Variants in NCALD observed in about 807,000 individuals in gnomAD.
The protein encoded by NCALD is neurocalcin delta.
A neutral mutation model predicts 18.6 loss-of-function variants in NCALD; 10 were observed. That is an observed-to-expected ratio of 0.54 (90% CI 0.33 to 0.91). The LOEUF (loss-of-function observed/expected upper bound fraction) is 0.91, where lower values mean the gene tolerates loss of function less well. Ranked by LOEUF, NCALD falls within the 40% of genes least tolerant of loss-of-function variation. NCALD has a pLI of 0.03. For missense variants in NCALD, 184 were observed against 247.6 expected, an observed-to-expected ratio of 0.74 and a Z score of 1.72; for synonymous variants, 88 against 87.4, an observed-to-expected ratio of 1.01 and a Z score of -0.04.
chr8:102,093,646 G>T (rs529313177), intron 1 of NCALD, among the ~76,000 whole-genome samples: 27 of 152,198 alleles, frequency 1.8e-4, no homozygotes, highest in Non-Finnish European at 3.5e-4. Flanking sequence ...AGCCATCTTG[G>T]ACTATAAAGC....
intron 4 of NCALD, among the ~76,000 whole-genome samples, chr8:101,802,519 G>A (rs1812907674): frequency 6.6e-6 from 1 of 151,710 alleles, no homozygotes; most frequent in Non-Finnish European, 1.5e-5. Context: ...CAACTATACT[G>A]CAAAGAAAAA....
intron 1 of NCALD, among the ~76,000 whole-genome samples, chr8:101,734,545 C>T (rs1334101205): frequency 1.3e-5 from 2 of 152,192 alleles, no homozygotes; most frequent in African/African-American, 4.8e-5. Flanking sequence ...GACAAATTGA[C>T]AATTTGTTGC....
intron 1 of NCALD, among the ~76,000 whole-genome samples, chr8:102,106,710 T>C (rs1825467217): frequency 6.6e-6 from 1 of 152,174 alleles, no homozygotes; most frequent in South Asian, 2.1e-4. Flanking sequence ...TTGCAGTCTA[T>C]AGCTCTAGCT....
chr8:101,790,539 C>T (rs1201198966), intron 1 of NCALD, among the ~76,000 whole-genome samples: 1 of 152,124 alleles, frequency 6.6e-6, no homozygotes, highest in Non-Finnish European at 1.5e-5. Flanking sequence ...AAACCCAAAA[C>T]AATACTGAAG....
At chr8:102,108,452 G>A (rs927710539) in intron 1 of NCALD, among the ~76,000 whole-genome samples, 1 of 152,172 alleles carries the variant, frequency 6.6e-6, no homozygotes, top group East Asian at 1.9e-4. Flanking sequence ...CAAGTCCTCA[G>A]GTGTTTTAAA....
chr8:101,717,474 C>T (rs891766585), intron 2 of NCALD, among the ~76,000 whole-genome samples: 5 of 151,838 alleles, frequency 3.3e-5, no homozygotes, highest in Admixed American at 3.3e-4. Context: ...CGGGATTCAG[C>T]TAAGAATTTA....
At chr8:101,945,799 T>C (rs544010677) in intron 2 of NCALD, among the ~76,000 whole-genome samples, 9 of 152,342 alleles carry the variant, frequency 5.9e-5, no homozygotes, top group Non-Finnish European at 1.2e-4. Context: ...CTAGAGAACC[T>C]ATCTCCTGCC....
chr8:102,118,143 C>T (rs1825844794), intron 1 of NCALD, among the ~76,000 whole-genome samples: 1 of 152,210 alleles, frequency 6.6e-6, no homozygotes, highest in African/African-American at 2.4e-5. Flanking sequence ...AATTGGGAGG[C>T]ACCAGCACCA....
intron 1 of NCALD, among the ~76,000 whole-genome samples, chr8:102,063,277 C>T (rs1823904214): frequency 6.6e-6 from 1 of 152,178 alleles, no homozygotes; most frequent in African/African-American, 2.4e-5. Flanking sequence ...GACCCCATTT[C>T]CCGAACATTT....
At chr8:101,864,418 T>C (rs1280658977) in intron 4 of NCALD, among the ~76,000 whole-genome samples, 1 of 152,072 alleles carries the variant, frequency 6.6e-6, no homozygotes, top group Non-Finnish European at 1.5e-5. Flanking sequence ...GATGGCTCCA[T>C]GGAAAAGTAG....
intron 4 of NCALD, among the ~76,000 whole-genome samples, chr8:101,880,468 G>A (rs796727697): frequency 5.3e-5 from 8 of 152,340 alleles, no homozygotes; most frequent in Admixed American, 2.0e-4. Flanking sequence ...GCGCAGTGGC[G>A]GACTGAAGGG....
intron 3 of NCALD, among the ~76,000 whole-genome samples, chr8:101,901,854 G>A (rs140000930): frequency 0.027 from 4,039 of 151,952 alleles, 83 homozygotes; most frequent in Non-Finnish European, 0.04. Context: ...GCAGTGGCAG[G>A]ATCTCGGCTC....
At chr8:101,806,206 C>G (rs1398226592) in intron 4 of NCALD, among the ~76,000 whole-genome samples, 1 of 152,036 alleles carries the variant, frequency 6.6e-6, no homozygotes, top group Non-Finnish European at 1.5e-5. Flanking sequence ...CCCAAGCAAA[C>G]AGCAACAGAA....
intron 2 of NCALD, among the ~76,000 whole-genome samples, chr8:102,001,774 C>T (rs1246456869): frequency 6.6e-6 from 1 of 152,142 alleles, no homozygotes; most frequent in South Asian, 2.1e-4. Flanking sequence ...TCCAGCCAAA[C>T]TAAGCTTCAT....
chr8:101,853,311 C>T (rs1412045898), intron 4 of NCALD, among the ~76,000 whole-genome samples: 2 of 152,132 alleles, frequency 1.3e-5, no homozygotes, highest in African/African-American at 4.8e-5. Context: ...TTGGAACCTT[C>T]TTGATGGCAG....
intron 1 of NCALD, among the ~76,000 whole-genome samples, chr8:102,097,310 C>T (rs1825134583): frequency 6.6e-6 from 1 of 152,216 alleles, no homozygotes. Flanking sequence ...TCACACTGCA[C>T]TTGATAGTCT....
intron 1 of NCALD, among the ~76,000 whole-genome samples, chr8:102,095,641 A>G (rs1164777768): frequency 3.3e-5 from 5 of 152,190 alleles, no homozygotes; most frequent in African/African-American, 1.2e-4. Flanking sequence ...ACACCCTGAA[A>G]TGTATGAAAT....
intron 1 of NCALD, among the ~76,000 whole-genome samples, chr8:102,058,473 A>C (rs1216443426): frequency 6.6e-6 from 1 of 152,222 alleles, no homozygotes; most frequent in Non-Finnish European, 1.5e-5. Context: ...CCCCACAAAG[A>C]AAGAAATTCC....
At chr8:102,113,256 C>T (rs764484387) in intron 1 of NCALD, among the ~76,000 whole-genome samples, 2 of 152,134 alleles carry the variant, frequency 1.3e-5, no homozygotes, top group Non-Finnish European at 2.9e-5. Context: ...CCAAAAAACA[C>T]ATGTATATAA....
Sources: gnomAD v4.1 joint callset for allele counts (sites outside exome capture counted in the v4.1 genomes callset) on GRCh38, gnomAD v4.1.1 for gene constraint, MANE v1.5 for transcripts, NCBI Gene and HGNC (gene_info 2026-07-23, HGNC 2026-07-21) for gene names.